Variants in PTPRD observed in about 807,000 individuals in gnomAD.
The protein encoded by PTPRD is protein tyrosine phosphatase receptor type D.
Under a neutral mutation model 214.5 loss-of-function variants are expected in PTPRD, and 34 were observed. That is an observed-to-expected ratio of 0.16 (90% CI 0.12 to 0.21). The LOEUF (loss-of-function observed/expected upper bound fraction) is 0.21, where lower values mean the gene tolerates loss of function less well. Among genes scored for constraint, PTPRD ranks in the 10% least tolerant of loss-of-function variants. PTPRD has a pLI of 1.00. For synonymous variants in PTPRD, 1,128 were observed against 845.7 expected, an observed-to-expected ratio of 1.33 and a Z score of -5.79; for missense variants, 2,545 against 2,398.7, an observed-to-expected ratio of 1.06 and a Z score of -1.27.
intron 9 of PTPRD, among the ~76,000 whole-genome samples, chr9:9,346,579 T>C (rs1225291008): frequency 2.0e-5 from 3 of 152,188 alleles, no homozygotes; most frequent in Non-Finnish European, 4.4e-5. Context: ...TATGTAACTC[T>C]AGTTGTTCTT....
chr9:9,795,239 T>C (rs1434720864), intron 5 of PTPRD, among the ~76,000 whole-genome samples: 2 of 152,194 alleles, frequency 1.3e-5, no homozygotes, highest in African/African-American at 4.8e-5. Flanking sequence ...TAGAGAAATA[T>C]TTGAGAATAT....
chr9:10,121,661 C>A (rs1264772644), intron 3 of PTPRD, among the ~76,000 whole-genome samples: 1 of 152,188 alleles, frequency 6.6e-6, no homozygotes, highest in East Asian at 1.9e-4. Context: ...TCCATTTTCA[C>A]TTATCTCTAT....
chr9:9,290,945 G>C (rs1193305079), intron 9 of PTPRD, among the ~76,000 whole-genome samples: 2 of 151,340 alleles, frequency 1.3e-5, no homozygotes, highest in Non-Finnish European at 3.0e-5. Flanking sequence ...ATTGGTCATA[G>C]AAATCACTGA....
intron 8 of PTPRD, among the ~76,000 whole-genome samples, chr9:9,425,466 A>G (rs2080488793): frequency 6.9e-6 from 1 of 145,440 alleles, no homozygotes; most frequent in African/African-American, 2.5e-5. Context: ...AAAATATATA[A>G]TTATATATAT....
chr9:9,429,973 T>A (rs2082441452), intron 8 of PTPRD, among the ~76,000 whole-genome samples: 1 of 152,150 alleles, frequency 6.6e-6, no homozygotes, highest in South Asian at 2.1e-4. Context: ...CTGGAAGCAT[T>A]CCCTTTGAAA....
At chr9:8,754,992 C>T (rs991354759) in intron 11 of PTPRD, among the ~76,000 whole-genome samples, 1 of 152,010 alleles carries the variant, frequency 6.6e-6, no homozygotes, top group African/African-American at 2.4e-5. Flanking sequence ...ATGCAAATTA[C>T]TATCAAAATG....
At chr9:10,047,296 A>T (rs2097419884) in intron 3 of PTPRD, among the ~76,000 whole-genome samples, 1 of 79,688 alleles carries the variant, frequency 1.3e-5, no homozygotes, top group African/African-American at 5.3e-5. Flanking sequence ...GGTAAAATGA[A>T]GATAAAATCA....
chr9:10,008,161 C>A (rs13283721), intron 4 of PTPRD, among the ~76,000 whole-genome samples: 22,668 of 151,914 alleles, frequency 0.15, 2,066 homozygotes, highest in African/African-American at 0.24. Context: ...GCCCAGGGAA[C>A]CTCAGAGAAA....
At chr9:10,227,538 A>C (rs1487799007) in intron 3 of PTPRD, among the ~76,000 whole-genome samples, 1 of 151,914 alleles carries the variant, frequency 6.6e-6, no homozygotes, top group Non-Finnish European at 1.5e-5. Context: ...CCTTAACTGC[A>C]TTGCCCGTTT....
intron 8 of PTPRD, among the ~76,000 whole-genome samples, chr9:9,500,769 A>G: frequency 6.6e-6 from 1 of 152,122 alleles, no homozygotes; most frequent in East Asian, 1.9e-4. Flanking sequence ...GTTTCTTAAA[A>G]GACAGATGAA....
intron 2 of PTPRD, among the ~76,000 whole-genome samples, chr9:10,472,898 A>G (rs2099040253): frequency 1.3e-5 from 2 of 152,170 alleles, no homozygotes; most frequent in Non-Finnish European, 1.5e-5. Flanking sequence ...TAAAAAAATT[A>G]TAGTATTTAA....
rs324494 is a variant in PTPRD, at chr9:9,023,450, T to C, written c.-142-4715A>G. On this transcript the variant is annotated intron_variant, in intron 10 of 45. Transcript: ENST00000381196. ...CACAAAACGCCTAGGACCTGCTCTT[T>C]GTGGATTACTTGGACCGAAACACAA... 3.3e-5 allele frequency among the ~76,000 whole-genome samples: 5 copies of C among 152,002 alleles called. No individual in the cohort carries two copies. In the East Asian group the frequency reaches 5.8e-4, roughly 18 times the overall value.
At chr9:8,869,468 A>G (rs967017578) in intron 11 of PTPRD, among the ~76,000 whole-genome samples, 4 of 152,172 alleles carry the variant, frequency 2.6e-5, no homozygotes, top group Admixed American at 6.6e-5. Context: ...TGTAAGTGGC[A>G]AAACACTGAT....
chr9:9,974,250 C>T (rs1162860592), intron 4 of PTPRD, among the ~76,000 whole-genome samples: 1 of 152,158 alleles, frequency 6.6e-6, no homozygotes, highest in African/African-American at 2.4e-5. Context: ...CTTAACTCTC[C>T]AGATGTTTAA....
At chr9:9,820,392 T>C (rs1232049921) in intron 5 of PTPRD, among the ~76,000 whole-genome samples, 1 of 152,170 alleles carries the variant, frequency 6.6e-6, no homozygotes, top group African/African-American at 2.4e-5. Context: ...TAGGCCTTTG[T>C]TGGATGCATG....
intron 37 of PTPRD, among the ~76,000 whole-genome samples, chr9:8,386,981 T>TG (rs1198218272): frequency 6.6e-6 from 1 of 152,110 alleles, no homozygotes; most frequent in African/African-American, 2.4e-5. Flanking sequence ...TTTTGGGCCT[T>TG]GGGGTCCAGG....
chr9:10,190,074 A>G (rs1206690405), intron 3 of PTPRD, among the ~76,000 whole-genome samples: 1 of 152,152 alleles, frequency 6.6e-6, no homozygotes, highest in Non-Finnish European at 1.5e-5. Context: ...AGATTAGAAA[A>G]GTCAAAGTGG....
intron 39 of PTPRD, among the ~76,000 whole-genome samples, chr9:8,349,839 G>A (rs541492226): frequency 4.0e-5 from 6 of 151,876 alleles, no homozygotes; most frequent in Admixed American, 1.3e-4. Context: ...TTTATTTTCC[G>A]GTGAGGACAA....
chr9:9,477,433 A>G (rs964583243), intron 8 of PTPRD, among the ~76,000 whole-genome samples: 1 of 152,212 alleles, frequency 6.6e-6, no homozygotes, highest in African/African-American at 2.4e-5. Context: ...CTGGGACAAT[A>G]ATATTAAATC....
Sources: allele counts gnomAD v4.1 joint callset (sites outside exome capture counted in the v4.1 genomes callset), GRCh38; gene constraint gnomAD v4.1.1; transcripts MANE v1.5; gene names NCBI Gene and HGNC (gene_info 2026-07-23, HGNC 2026-07-21).